Variants in GULP1 observed in about 807,000 individuals in gnomAD.
The protein encoded by GULP1 is GULP PTB domain containing engulfment adaptor 1, also known as PTB domain-containing engulfment adapter protein 1.
Under a neutral mutation model 40.9 loss-of-function variants are expected in GULP1, and 19 were observed. The observed-to-expected ratio is 0.46, with a 90% CI of 0.32 to 0.68. The LOEUF is 0.68. GULP1 is among the 30% of genes least tolerant of loss of function. The pLI is 0.03. For missense variants in GULP1, 312 were observed against 362.2 expected (o/e 0.86, Z 1.12); for synonymous variants, 119 against 117.6 (o/e 1.01, Z -0.08).
At chr2:188,362,467 C>T (rs938294827) in intron 1 of GULP1, among the ~76,000 whole-genome samples, 1 of 152,104 alleles carries the variant, frequency 6.6e-6, no homozygotes, top group African/African-American at 2.4e-5. Flanking sequence ...ATGCCTTACT[C>T]ACCTGCACAT....
intron 2 of GULP1, among the ~76,000 whole-genome samples, chr2:188,412,957 T>TA (rs899436446): frequency 3.2e-4 from 48 of 152,114 alleles, no homozygotes; most frequent in African/African-American, 9.4e-4. Flanking sequence ...TTTAAAATCT[T>TA]AAAAAATAAC....
intron 2 of GULP1, among the ~76,000 whole-genome samples, chr2:188,397,864 T>C (rs73040411): frequency 0.067 from 10,245 of 152,236 alleles, 1,164 homozygotes; most frequent in African/African-American, 0.23. Context: ...TGATCACCCA[T>C]GATGGAAGCT....
intron 2 of GULP1, among the ~76,000 whole-genome samples, chr2:188,456,895 G>A (rs1485333569): frequency 6.6e-6 from 1 of 152,140 alleles, no homozygotes; most frequent in African/African-American, 2.4e-5. Flanking sequence ...TGATTTGCTG[G>A]ATCAGTATGA....
At chr2:188,353,272 A>G (rs1392852112) in intron 1 of GULP1, among the ~76,000 whole-genome samples, 11 of 152,232 alleles carry the variant, frequency 7.2e-5, no homozygotes, top group Non-Finnish European at 1.0e-4. Context: ...CATGCCAGGC[A>G]CTGTTCTAAA....
intron 3 of GULP1, among the ~76,000 whole-genome samples, chr2:188,482,079 T>G (rs1206648556): frequency 1.3e-5 from 2 of 152,030 alleles, no homozygotes; most frequent in Non-Finnish European, 2.9e-5. Context: ...CACCCAAGTA[T>G]GGCTATCATA....
At chr2:188,358,394 A>C (rs186305141) in intron 1 of GULP1, among the ~76,000 whole-genome samples, 67 of 152,234 alleles carry the variant, frequency 4.4e-4, no homozygotes, top group African/African-American at 1.1e-3. Flanking sequence ...TAACAGTTAG[A>C]TAGAAGGAAA....
intron 2 of GULP1, among the ~76,000 whole-genome samples, chr2:188,420,870 GT>G (rs1158290740): frequency 1.3e-5 from 2 of 152,140 alleles, no homozygotes. Flanking sequence ...TGGTAGCTCG[GT>G]TTTTAGGCTT....
intron 6 of GULP1, among the ~76,000 whole-genome samples, chr2:188,532,697 C>T (rs2153259178): frequency 6.7e-6 from 1 of 149,116 alleles, no homozygotes; most frequent in Admixed American, 6.7e-5. Context: ...ATGGGGGAAT[C>T]ATGAGGTCAG....
At chr2:188,456,360 C>T (rs1490523103) in intron 2 of GULP1, among the ~76,000 whole-genome samples, 3 of 152,166 alleles carry the variant, frequency 2.0e-5, no homozygotes, top group South Asian at 2.1e-4. Flanking sequence ...CCTGAGGTCC[C>T]CGTGCTGTGT....
chr2:188,367,643 A>AAC (rs1240259134), intron 1 of GULP1, among the ~76,000 whole-genome samples: 1 of 152,154 alleles, frequency 6.6e-6, no homozygotes, highest in Non-Finnish European at 1.5e-5. Flanking sequence ...GGAACTCAGA[A>AAC]ACAGGTATCA....
intron 1 of GULP1, among the ~76,000 whole-genome samples, chr2:188,315,769 A>T (rs912271666): frequency 6.6e-6 from 1 of 152,096 alleles, no homozygotes; most frequent in African/African-American, 2.4e-5. Flanking sequence ...GGCACAGTAA[A>T]GGATTAACAA....
intron 2 of GULP1, among the ~76,000 whole-genome samples, chr2:188,460,398 T>C (rs754357890): frequency 9.4e-5 from 14 of 149,242 alleles, no homozygotes; most frequent in Non-Finnish European, 1.8e-4. Context: ...TTTAATTTTA[T>C]TTGTGGCTAT....
At chr2:188,375,460 T>C (rs10931355) in intron 1 of GULP1, among the ~76,000 whole-genome samples, 27,148 of 152,242 alleles carry the variant, frequency 0.18, 2,494 homozygotes, top group South Asian at 0.24. Context: ...GAATGCTTTC[T>C]GGCCCAACTT....
chr2:188,580,383 C>T (rs1701020010), intron 9 of GULP1, among the ~76,000 whole-genome samples: 2 of 151,756 alleles, frequency 1.3e-5, no homozygotes, highest in Admixed American at 6.6e-5. Context: ...GAAACCCCGT[C>T]TCTACTAAAA....
At chr2:188,343,737 C>A (rs2043263002) in intron 1 of GULP1, among the ~76,000 whole-genome samples, 1 of 152,148 alleles carries the variant, frequency 6.6e-6, no homozygotes. Flanking sequence ...CTTAGGGACA[C>A]CTATACTGTG....
chr2:188,344,059 C>T (rs2043309892), intron 1 of GULP1, among the ~76,000 whole-genome samples: 1 of 152,174 alleles, frequency 6.6e-6, no homozygotes, highest in Non-Finnish European at 1.5e-5. Context: ...GCCCCCGCCT[C>T]AGCCTCCCAA....
intron 3 of GULP1, among the ~76,000 whole-genome samples, chr2:188,481,260 T>C (rs116342171): frequency 0.011 from 1,645 of 152,100 alleles, 36 homozygotes; most frequent in African/African-American, 0.037. Flanking sequence ...TGAACACATA[T>C]AGTGACCAAG....
At chr2:188,410,696 T>G (rs1217847403) in intron 2 of GULP1, among the ~76,000 whole-genome samples, 1 of 152,186 alleles carries the variant, frequency 6.6e-6, no homozygotes, top group Non-Finnish European at 1.5e-5. Flanking sequence ...GTGGCAATCT[T>G]AACTTCCAGT....
chr2:188,460,628 T>C (rs1273497410), intron 2 of GULP1, among the ~76,000 whole-genome samples: 2 of 152,184 alleles, frequency 1.3e-5, no homozygotes. Flanking sequence ...CTTTCCAATT[T>C]GGCTGCCCTT....
Sources: allele counts gnomAD v4.1 joint callset (sites outside exome capture counted in the v4.1 genomes callset), GRCh38; gene constraint gnomAD v4.1.1; transcripts MANE v1.5; gene names NCBI Gene and HGNC (gene_info 2026-07-23, HGNC 2026-07-21).